The following CHIC2 variants were observed in gnomAD, a reference collection of about 807,000 sequenced individuals.
CHIC2 encodes the protein cysteine-rich hydrophobic domain-containing protein 2.
A neutral mutation model predicts 25.9 loss-of-function variants in CHIC2; 14 were observed. That is an observed-to-expected ratio of 0.54 (90% CI 0.36 to 0.85). CHIC2 has a LOEUF of 0.85. Ranked by LOEUF, CHIC2 falls within the 40% of genes least tolerant of loss-of-function variation. The probability of loss-of-function intolerance (pLI) is 0.01; values close to 1 mark genes in which losing one functional copy is unlikely to be tolerated. For synonymous variants in CHIC2, 70 were observed against 72.0 expected (o/e 0.97, Z 0.14); for missense variants, 146 against 202.0 (o/e 0.72, Z 1.68).
At chr4:54,069,202 AT>A (rs943161048), upstream of CHIC2, among the ~76,000 whole-genome samples, 5 of 152,022 alleles carry the variant, frequency 3.3e-5, no homozygotes, top group African/African-American at 9.7e-5. Context: ...TAATTTTTAT[AT>A]TTTTTGTAGA....
chr4:54,041,521 C>T (rs1716577468), intron 3 of CHIC2, among the ~76,000 whole-genome samples: 1 of 152,040 alleles, frequency 6.6e-6, no homozygotes, highest in South Asian at 2.1e-4. Flanking sequence ...CTGAACAGGA[C>T]CTGCACCTTC....
chr4:54,015,882 C>T (rs1402011275), intron 3 of CHIC2, among the ~76,000 whole-genome samples: 1 of 152,198 alleles, frequency 6.6e-6, no homozygotes, highest in Non-Finnish European at 1.5e-5. Flanking sequence ...AAGTTGTAGC[C>T]TTGACAAGCT....
intron 3 of CHIC2, among the ~76,000 whole-genome samples, chr4:54,037,934 A>G (rs1716444463): frequency 6.6e-6 from 1 of 151,998 alleles, no homozygotes. Context: ...TATACAAGAA[A>G]AAAAGAAAAG....
At chr4:54,069,751 AT>A in the CHIC2 span, among the ~76,000 whole-genome samples, 1 of 152,190 alleles carries the variant, frequency 6.6e-6, no homozygotes, top group Non-Finnish European at 1.5e-5. Context: ...CCAAATATGT[AT>A]TTCCTGATAT....
chr4:54,042,689 C>T (rs1038755755), intron 3 of CHIC2, among the ~76,000 whole-genome samples: 5 of 151,254 alleles, frequency 3.3e-5, no homozygotes, highest in African/African-American at 7.3e-5. Flanking sequence ...ACTACAAGAG[C>T]GACAAAATCA....
At chr4:54,080,974 AT>A in the CHIC2 span, among the ~76,000 whole-genome samples, 1 of 125,550 alleles carries the variant, frequency 8.0e-6, no homozygotes, top group Non-Finnish European at 1.7e-5. Flanking sequence ...ATATATATAT[AT>A]ATATATATAT....
intron 1 of CHIC2, among the ~76,000 whole-genome samples, chr4:54,063,714 G>T (rs1482232188): frequency 1.3e-5 from 2 of 152,248 alleles, no homozygotes; most frequent in Non-Finnish European, 2.9e-5. Flanking sequence ...AGACCTGTGG[G>T]TATGTGTGAA....
At chr4:54,086,068 T>C in the CHIC2 span, among the ~76,000 whole-genome samples, 1 of 152,086 alleles carries the variant, frequency 6.6e-6, no homozygotes. Flanking sequence ...TGAGGAAGCA[T>C]CCACCTAGAA....
chr4:54,087,631 A>G, the CHIC2 span: 1 of 599,858 alleles, frequency 1.7e-6, no homozygotes, highest in Non-Finnish European at 2.8e-6. Flanking sequence ...AATAGGAGAA[A>G]TGTTGGCCTA....
chr4:54,074,297 G>GT, the CHIC2 span, among the ~76,000 whole-genome samples: 1 of 152,086 alleles, frequency 6.6e-6, no homozygotes, highest in Non-Finnish European at 1.5e-5. Flanking sequence ...TAAGACACTG[G>GT]TTTTCACTTT....
intron 1 of CHIC2, among the ~76,000 whole-genome samples, chr4:54,051,163 T>C (rs1716997379): frequency 6.6e-6 from 1 of 152,076 alleles, no homozygotes; most frequent in Admixed American, 6.6e-5. Flanking sequence ...GGTTGTAATA[T>C]ATTGCTTCCC....
rs758068323 is a variant in CHIC2, at chr4:54,048,956, C to G, written c.329G>C (p.Arg110Thr). 6.5e-7 allele frequency: 1 copy of G among 1,541,306 alleles called. No homozygotes were observed. The highest frequency in any genetic ancestry group is 1.2e-5 in the South Asian group (1 of 80,144). Residue 110 changes from arginine to threonine, a missense_variant and splice_region_variant, in exon 3 of 6, where the codon AGA becomes ACA. By Grantham distance (71) the Arg-to-Thr change is moderately conservative (BLOSUM62 -1). Coordinates refer to ENST00000263921, the MANE Select transcript of CHIC2 (RefSeq NM_012110.4). ...SMWPVICLSK[R>T]TRRSIEKLLE... ...ATTAAAATATATAATTCAACTTACT[C>G]TTTTACTGAGGCAAATAACTGGCCA...
intron 1 of CHIC2, among the ~76,000 whole-genome samples, chr4:54,055,651 A>G (rs940957863): frequency 2.0e-5 from 3 of 152,180 alleles, no homozygotes; most frequent in Non-Finnish European, 2.9e-5. Context: ...AACTGAACAT[A>G]TTGGTTATGC....
At chr4:54,017,601 G>A (rs1284280159) in intron 3 of CHIC2, among the ~76,000 whole-genome samples, 7 of 152,088 alleles carry the variant, frequency 4.6e-5, no homozygotes, top group East Asian at 3.9e-4. Context: ...GTAATTCTCC[G>A]TCTTTCTGCA....
intron 1 of CHIC2, chr4:54,060,810 C>G (rs190934528): frequency 1.3e-5 from 2 of 152,042 alleles, no homozygotes; most frequent in African/African-American, 4.8e-5. Flanking sequence ...TTTTCCTCAT[C>G]GTCAATTATA....
chr4:54,018,494 G>A (rs1439802806), intron 3 of CHIC2, among the ~76,000 whole-genome samples: 1 of 151,974 alleles, frequency 6.6e-6, no homozygotes, highest in Non-Finnish European at 1.5e-5. Flanking sequence ...TGCCACCACT[G>A]GTTACTTAAG....
intron 3 of CHIC2, among the ~76,000 whole-genome samples, chr4:54,032,937 G>A (rs567099769): frequency 6.6e-6 from 1 of 152,128 alleles, no homozygotes; most frequent in African/African-American, 2.4e-5. Flanking sequence ...GGATCATGGG[G>A]GCAGATAACT....
chr4:54,013,939 T>A, intron 4 of CHIC2, 43 bp from the exon 5 acceptor site: 1 of 1,605,530 alleles, frequency 6.2e-7, no homozygotes, highest in Non-Finnish European at 8.5e-7. Context: ...GAGCTCTATT[T>A]TATTGCAGCA....
At chr4:54,078,425 C>A in the CHIC2 span, among the ~76,000 whole-genome samples, 1 of 152,160 alleles carries the variant, frequency 6.6e-6, no homozygotes, top group East Asian at 1.9e-4. Context: ...ATAGGAACAA[C>A]CTTATTAATA....
Sources: gnomAD v4.1 joint callset for allele counts (sites outside exome capture counted in the v4.1 genomes callset) on GRCh38, gnomAD v4.1.1 for gene constraint, MANE v1.5 for transcripts, NCBI Gene and HGNC (gene_info 2026-07-23, HGNC 2026-07-21) for gene names.